ACADM: variants seen among roughly 807,000 people sequenced by gnomAD.
ACADM encodes medium-chain specific acyl-CoA dehydrogenase, mitochondrial.
A neutral mutation model predicts 58.9 loss-of-function variants in ACADM; 49 were observed. The ratio of observed to expected loss-of-function variants is 0.83; its 90% CI spans 0.66 to 1.06. ACADM has a LOEUF of 1.06. Among genes scored for constraint, ACADM ranks in the 50% least tolerant of loss-of-function variants. ACADM has a pLI of 0.00. For missense variants in ACADM, 496 were observed against 507.0 expected (o/e 0.98, Z 0.21); for synonymous variants, 160 against 157.7 (o/e 1.01, Z -0.11).
chr1:75,744,774 T>G, intron 7 of ACADM: 2 of 661,724 alleles, frequency 3.0e-6, no homozygotes, highest in Non-Finnish European at 5.5e-6. Flanking sequence ...CGGGACAGCA[T>G]CACGGCGGCC....
intron 10 of ACADM, chr1:75,750,751 ATT>A (rs745487585): frequency 9.3e-3 from 4,562 of 489,480 alleles, no homozygotes; most frequent in East Asian, 0.012. Flanking sequence ...TGTGCTATGC[ATT>A]TTTTTTTTTT....
At chr1:75,738,005 C>T (rs1647362896) in intron 6 of ACADM, among the ~76,000 whole-genome samples, 1 of 152,086 alleles carries the variant, frequency 6.6e-6, no homozygotes, top group African/African-American at 2.4e-5. Flanking sequence ...CAACCTCTGC[C>T]TCCCAGGTTC....
chr1:75,733,953 G>T (rs1038895926), intron 5 of ACADM, among the ~76,000 whole-genome samples: 4 of 152,126 alleles, frequency 2.6e-5, no homozygotes, highest in African/African-American at 9.7e-5. Flanking sequence ...TCAGGAGCAG[G>T]ATTGGGATGG....
At chr1:75,762,455 C>T (rs1332203538) in intron 11 of ACADM, among the ~76,000 whole-genome samples, 4 of 152,018 alleles carry the variant, frequency 2.6e-5, no homozygotes, top group Non-Finnish European at 5.9e-5. Flanking sequence ...TTTGAAGACT[C>T]TTCTCCAAAA....
rs1225471006 is a variant in ACADM, at chr1:75,761,173, G to GCTAGAATGAGTTA, written c.999_1011dup (p.Gln338Ter). 49 of 1,613,964 alleles carry GCTAGAATGAGTTA rather than the reference G, an allele frequency of 3.0e-5. No homozygotes were observed. Among genetic ancestry groups the GCTAGAATGAGTTA allele is most frequent in the Non-Finnish European group, 3.7e-5 (44 of 1,179,960 alleles). ...TGAAATGGCAATGAAAGTTGAACTA[G>GCTAGAATGAGTTA]CTAGAATGAGTTACCAGAGAGCAGC... On this transcript the variant is annotated frameshift_variant, in exon 11 of 12. Transcript: ENST00000370841. LOFTEE classifies it high-confidence loss of function.
At chr1:75,737,880 A>G (rs540381691) in intron 6 of ACADM, among the ~76,000 whole-genome samples, 8 of 152,004 alleles carry the variant, frequency 5.3e-5, no homozygotes, top group Non-Finnish European at 7.4e-5. Flanking sequence ...TTCTTTGGCT[A>G]TATTGCCCTT....
At chr1:75,738,060 G>T (rs901024790) in intron 6 of ACADM, among the ~76,000 whole-genome samples, 5 of 151,656 alleles carry the variant, frequency 3.3e-5, no homozygotes, top group Admixed American at 3.3e-4. Flanking sequence ...GGGACTACAG[G>T]TGCGTGCCAC....
In ACADM at chr1:75,729,469, TC is replaced by T. The variant is rs200687849; in HGVS notation, c.118+983del. On this transcript the variant is annotated intron_variant, in intron 2 of 11. Coordinates refer to ENST00000370841, the MANE Select transcript of ACADM (RefSeq NM_000016.6). Reference sequence around the variant, plus strand: ...AAAGTTTCTGTGTTTTTTTTTTTTTTCCTGTGACTTCTAGCCAAAGACTGGA... The same window carrying T: ...AAAGTTTCTGTGTTTTTTTTTTTTTTCTGTGACTTCTAGCCAAAGACTGGA... Among the ~76,000 whole-genome samples, 221 of 146,568 alleles carry T rather than the reference TC, an allele frequency of 1.5e-3. 3 individuals carry two copies. The highest frequency in any genetic ancestry group is 2.6e-3 in the Admixed American group (38 of 14,682).
intron 10 of ACADM, among the ~76,000 whole-genome samples, chr1:75,751,901 C>G (rs926695299): frequency 4.0e-5 from 6 of 151,668 alleles, no homozygotes; most frequent in African/African-American, 1.5e-4. Flanking sequence ...CAGGGTAATT[C>G]TTAACTCTTA....
rs143477913 is a variant in ACADM at position 75,752,314 on chromosome 1, A to G, written c.945+1768A>G. Among the ~76,000 whole-genome samples, 708 of 152,266 alleles carry G rather than the reference A, an allele frequency of 4.6e-3. 7 individuals are homozygous for G. Among genetic ancestry groups the G allele is most frequent in the Non-Finnish European group, 7.2e-3 (493 of 68,020 alleles). ...TTGTGGTGAAAGACCAGTTTGTTTT[A>G]ATTTCCAGTTAATGTGGACCATTAT... is the stretch of plus-strand genomic sequence containing the variant. On this transcript the variant is annotated intron_variant, in intron 10 of 11. Transcript: ENST00000370841.
At chr1:75,751,493 C>CTTT (rs370953741) in intron 10 of ACADM, among the ~76,000 whole-genome samples, 3 of 144,236 alleles carry the variant, frequency 2.1e-5, no homozygotes, top group Non-Finnish European at 1.5e-5. Flanking sequence ...AGGATCCTTG[C>CTTT]TTTTTTTTTT....
chr1:75,754,997 G>C (rs1648417683), intron 10 of ACADM: 1 of 152,428 alleles, frequency 6.6e-6, no homozygotes, highest in South Asian at 2.1e-4. Context: ...CACACCCATG[G>C]AACCTCACCC....
At chr1:75,761,525 A>G in intron 11 of ACADM, 155 bp downstream of exon 11, 1 of 777,030 alleles carries the variant, frequency 1.3e-6, no homozygotes, top group East Asian at 2.7e-5. Context: ...AATTAATAGA[A>G]AGAAGAATGT....
At position 75,732,624 on chromosome 1, in the gene ACADM, T is replaced by C. The variant is rs74090724; in HGVS notation, c.119-20T>C. On this transcript the variant is annotated intron_variant, in intron 2 of 11. Transcript: ENST00000370841. The stretch of plus-strand genomic sequence containing the variant: ...TTCCTTGTTATCCAGTTTTAACTTT[T>C]CTAAATAATTTTCCCTTAGAGTTCA... 0.031 allele frequency: 49,446 copies of C among 1,591,448 alleles called. 1,115 individuals carry two copies. The highest frequency in any genetic ancestry group is 0.11 in the African/African-American group (8,186 of 74,488).
Position 75,739,036 on chromosome 1 carries a change from G to A in ACADM, c.469-944G>A, listed in dbSNP as rs145033957. Among the ~76,000 whole-genome samples, 987 of 152,170 alleles carry A rather than the reference G, an allele frequency of 6.5e-3. 16 individuals carry two copies. The highest frequency in any genetic ancestry group is 0.035 in the Admixed American group (532 of 15,280). On this transcript the variant is annotated intron_variant, in intron 6 of 11. Coordinates refer to ENST00000370841, the MANE Select transcript of ACADM (RefSeq NM_000016.6). ...GTCTTACCATTCCCTTACATGCACA[G>A]AATTTACATACTGTGGAACTCTGGT...
intron 5 of ACADM, 91 bp from the exon 6 acceptor site, chr1:75,734,698 AAT>A: frequency 9.6e-7 from 1 of 1,041,876 alleles, no homozygotes; most frequent in African/African-American, 1.6e-5. Flanking sequence ...TTAGGTGAAA[AAT>A]AGTTATTTTT....
Position 75,753,974 on chromosome 1 carries a change from T to G in ACADM, c.945+3428T>G, listed in dbSNP as rs1648354196. ...CCATGCTCAGCTTTTTTTTTTTTTT[T>G]TTGTAGAAATGGGGTTTTGCCATGT... is the stretch of plus-strand genomic sequence containing the variant. On this transcript the variant is annotated intron_variant, in intron 10 of 11. Transcript: ENST00000370841. Among the ~76,000 whole-genome samples, 4 of 150,154 alleles carry G rather than the reference T, an allele frequency of 2.7e-5. No homozygotes were observed. The South Asian group carries it at 6.3e-4, about 24-fold the overall frequency.
Position 75,728,401 on chromosome 1 carries a change from G to T in ACADM, c.31G>T (p.Val11Phe). 6.2e-7 allele frequency: 1 copy of T among 1,611,190 alleles called. No individual in the cohort carries two copies. Among genetic ancestry groups the T allele is most frequent in the Non-Finnish European group, 8.5e-7 (1 of 1,177,936 alleles). The change falls in exon 2 of 12, where the codon GTC (valine) becomes TTC (phenylalanine). Residue 11 changes from valine to phenylalanine, a missense_variant and splice_region_variant. Val to Phe is a conservative substitution (Grantham distance 50). Coordinates refer to ENST00000370841, the MANE Select transcript of ACADM (RefSeq NM_000016.6). ...ATTTTAATAAAAGTGTTCTTTACAG[G>T]TCCTGAGAAGTATTTCTCGTTTTCA... MAAGFGRCCRVLRSISRFHWR... is the reference protein window; with the variant it reads MAAGFGRCCRFLRSISRFHWR...
Position 75,762,701 on chromosome 1 carries a change from G to A in ACADM, c.1204G>A (p.Gly402Ser), listed in dbSNP as rs1207993232. The change falls in exon 12 of 12, where the codon GGT becomes AGT. Residue 402 changes from glycine to serine, a missense_variant. Physicochemically the swap from Gly to Ser is moderately conservative, Grantham distance 56. Transcript: ENST00000370841. ...RDAKIYQIYE[G>S]TSQIQRLIVA... ...TATATTTTTCTTGCAGATTTATGAA[G>A]GTACTTCACAAATTCAAAGACTTAT... 6.2e-7 allele frequency: 1 copy of A among 1,603,204 alleles called. No homozygotes were observed. The highest frequency in any genetic ancestry group is 8.5e-7 in the Non-Finnish European group (1 of 1,170,694).
Sources: allele counts gnomAD v4.1 joint callset (sites outside exome capture counted in the v4.1 genomes callset), GRCh38; gene constraint gnomAD v4.1.1; transcripts MANE v1.5; gene names NCBI Gene and HGNC (gene_info 2026-07-23, HGNC 2026-07-21).